Variants in MBP observed in about 807,000 individuals in gnomAD.
MBP encodes myelin basic protein.
Under a neutral mutation model 35.8 loss-of-function variants are expected in MBP, and 16 were observed. That is an observed-to-expected ratio of 0.45 (90% CI 0.30 to 0.68). The LOEUF is 0.68. Ranked by LOEUF, MBP falls within the 30% of genes least tolerant of loss-of-function variation. The pLI is 0.08. For missense variants in MBP, 380 were observed against 404.7 expected (o/e 0.94, Z 0.52); for synonymous variants, 143 against 159.6 (o/e 0.90, Z 0.78).
intron 3 of MBP, among the ~76,000 whole-genome samples, chr18:77,055,883 T>C (rs11151000): frequency 0.31 from 47,705 of 152,176 alleles, 8,575 homozygotes; most frequent in Non-Finnish European, 0.4. Flanking sequence ...TCAGTGGTTC[T>C]AGAAACTTGC....
rs1969490797 is a variant in MBP, at chr18:76,985,391, T to C, written c.751-497A>G. The stretch of plus-strand genomic sequence containing the variant: ...CCTTTTGCTGATTGATTTGCACAGA[T>C]TGGATTCTGGTCACATGTGCCCTGT... On this transcript the variant is annotated intron_variant, in intron 7 of 8. Coordinates refer to ENST00000355994, the MANE Select transcript of MBP (RefSeq NM_001025101.2). 8 of 1,242,896 alleles carry C rather than the reference T, an allele frequency of 6.4e-6. No individual in the cohort carries two copies. In the South Asian group the frequency reaches 1.1e-4, roughly 17 times the overall value. 77.0% of individuals were successfully genotyped at this position (1,242,896 alleles called of 1,614,324 possible).
intron 3 of MBP, among the ~76,000 whole-genome samples, chr18:77,035,667 G>A (rs977432459): frequency 2.0e-5 from 3 of 152,210 alleles, no homozygotes; most frequent in Admixed American, 2.0e-4. Context: ...TGAAGGGGGG[G>A]GGACCATGAG....
intron 3 of MBP, among the ~76,000 whole-genome samples, chr18:77,051,815 A>G (rs993999625): frequency 3.3e-5 from 5 of 152,134 alleles, no homozygotes; most frequent in Non-Finnish European, 5.9e-5. Flanking sequence ...GTGGGGGTGC[A>G]CTTTGCTAAA....
At chr18:76,984,990 C>T (rs920076326) in intron 7 of MBP, 96 bp from the exon 8 acceptor site, 16 of 1,569,302 alleles carry the variant, frequency 1.0e-5, no homozygotes, top group Non-Finnish European at 1.3e-5. Flanking sequence ...GGGGAAGGGC[C>T]CAGGCCCCGG....
chr18:77,084,431 CCACACACACACACACACA>C (rs60010988), intron 2 of MBP, among the ~76,000 whole-genome samples: 12 of 105,886 alleles, frequency 1.1e-4, no homozygotes, highest in African/African-American at 3.5e-4. Context: ...CCACACCACA[CCACACACACACACACACA>C]CACACACACA....
intron 4 of MBP, chr18:77,014,602 C>T (rs1046641818): frequency 1.0e-5 from 10 of 985,456 alleles, no homozygotes; most frequent in Non-Finnish European, 1.2e-5. Flanking sequence ...AAAATTCCTC[C>T]ATGGCAGCCC....
chr18:77,054,694 TA>T (rs1268287052), intron 3 of MBP, among the ~76,000 whole-genome samples: 1 of 152,220 alleles, frequency 6.6e-6, no homozygotes, highest in African/African-American at 2.4e-5. Flanking sequence ...CCTCATTTTG[TA>T]CCTGGATAAG....
intron 3 of MBP, among the ~76,000 whole-genome samples, chr18:77,048,136 C>T (rs538629228): frequency 6.6e-6 from 1 of 152,330 alleles, no homozygotes; most frequent in East Asian, 1.9e-4. Flanking sequence ...ACTGGGAAGG[C>T]CCTCCTTCCA....
Position 77,109,540 on chromosome 18 carries a change from C to A in MBP, c.-25-4254G>T, listed in dbSNP as rs952014140. 79 of 152,324 alleles carry A rather than the reference C, an allele frequency of 5.2e-4. 1 individual carries two copies. Among genetic ancestry groups the A allele is most frequent in the African/African-American group, 1.9e-3 (78 of 41,562 alleles). 9.4% of individuals were successfully genotyped at this position (152,324 alleles called of 1,614,324 possible). A position where few individuals can be genotyped will look rare whatever the true frequency, so the allele number is the denominator to read the frequency against. On this transcript the variant is annotated intron_variant, in intron 1 of 8. Transcript: ENST00000355994. The stretch of plus-strand genomic sequence containing the variant: ...TGAAATAATTGTGAGTGCAATTTTA[C>A]AAGCAATGGGATTATTGTGAAATCC...
At position 77,067,541 on chromosome 18, in the gene MBP, G is replaced by A. The variant is rs370519216; in HGVS notation, c.52-1156C>T. Among the ~76,000 whole-genome samples the A allele has an allele frequency of 2.3e-4, 35 of 152,278 alleles. No homozygotes were observed. In the East Asian group the frequency reaches 6.0e-3, roughly 26 times the overall value. On this transcript the variant is annotated intron_variant, in intron 2 of 8. Coordinates refer to ENST00000355994, the MANE Select transcript of MBP (RefSeq NM_001025101.2). ...CCTAACCGTGTTGCACTAATTTCCT[G>A]TTCACTTCTCAGAATGCACATGGCC... is the stretch of plus-strand genomic sequence containing the variant.
intron 3 of MBP, among the ~76,000 whole-genome samples, chr18:77,025,086 T>A: frequency 6.6e-6 from 1 of 152,130 alleles, no homozygotes; most frequent in East Asian, 1.9e-4. Flanking sequence ...TACCAGAAAC[T>A]GAGACTTAGC....
In MBP at chr18:77,125,593, A is replaced by G. The variant is rs998793353; in HGVS notation, c.-26+6987T>C. Among the ~76,000 whole-genome samples, 3 of 152,240 alleles carry G rather than the reference A, an allele frequency of 2.0e-5. No homozygotes were observed. The East Asian group carries it at 5.8e-4, about 29-fold the overall frequency. ...TTAAAGAAATAGAATAATACTATAT[A>G]TATTCATTTGCAGTTTGCTGGTTTC... On this transcript the variant is annotated intron_variant, in intron 1 of 8. Coordinates refer to ENST00000355994, the MANE Select transcript of MBP (RefSeq NM_001025101.2).
At chr18:77,041,796 G>C (rs912354300) in intron 3 of MBP, among the ~76,000 whole-genome samples, 14 of 109,096 alleles carry the variant, frequency 1.3e-4, no homozygotes, top group Non-Finnish European at 2.5e-4. Flanking sequence ...GGGGAGGGGG[G>C]AGGGATAGCA....
intron 1 of MBP, among the ~76,000 whole-genome samples, chr18:77,116,901 C>T (rs895272915): frequency 2.0e-5 from 3 of 151,996 alleles, no homozygotes; most frequent in African/African-American, 7.3e-5. Context: ...AAAGCAAGCC[C>T]AAGGAACACA....
At chr18:77,028,803 G>C (rs79390663) in intron 3 of MBP, among the ~76,000 whole-genome samples, 6,663 of 69,936 alleles carry the variant, frequency 0.095, 980 homozygotes, top group East Asian at 0.17. Flanking sequence ...AGGGACTCCT[G>C]ACTTCTCAGA....
chr18:77,029,271 CGT>C (rs1972432752), intron 3 of MBP, among the ~76,000 whole-genome samples: 1 of 149,170 alleles, frequency 6.7e-6, no homozygotes, highest in Non-Finnish European at 1.5e-5. Context: ...ACCAGTCAGG[CGT>C]GGCGGCGCGC....
chr18:76,983,641 T>G (rs2123061762), intron 8 of MBP: 1 of 152,362 alleles, frequency 6.6e-6, no homozygotes, highest in South Asian at 2.1e-4. Flanking sequence ...AGTTACTCCC[T>G]GCTCACTTCA....
chr18:77,106,749 G>GA, intron 1 of MBP, among the ~76,000 whole-genome samples: 1 of 152,222 alleles, frequency 6.6e-6, no homozygotes, highest in Admixed American at 6.5e-5. Context: ...GCATGAGAGT[G>GA]AAAAAAGCAA....
intron 3 of MBP, among the ~76,000 whole-genome samples, chr18:77,061,407 G>A (rs1296906166): frequency 6.6e-6 from 1 of 152,236 alleles, no homozygotes; most frequent in African/African-American, 2.4e-5. Context: ...AGTACTGTGA[G>A]GAGATGGGAG....
Sources: gnomAD v4.1 joint callset for allele counts (sites outside exome capture counted in the v4.1 genomes callset) on GRCh38, gnomAD v4.1.1 for gene constraint, MANE v1.5 for transcripts, NCBI Gene and HGNC (gene_info 2026-07-23, HGNC 2026-07-21) for gene names.